Variants in GALNT13 observed in about 807,000 individuals in gnomAD.
GALNT13 encodes polypeptide N-acetylgalactosaminyltransferase 13, also known as UDP-GalNAc:polypeptide N-acetylgalactosaminyltransferase 13.
A neutral mutation model predicts 64.2 loss-of-function variants in GALNT13; 28 were observed. The observed-to-expected ratio is 0.44, with a 90% CI of 0.32 to 0.60. The LOEUF is 0.60. Ranked by LOEUF, GALNT13 falls within the 20% of genes least tolerant of loss-of-function variation. GALNT13 has a pLI of 0.05. For missense variants in GALNT13, 577 were observed against 669.8 expected, an observed-to-expected ratio of 0.86 and a Z score of 1.53; for synonymous variants, 214 against 224.6, an observed-to-expected ratio of 0.95 and a Z score of 0.42.
intron 3 of GALNT13, among the ~76,000 whole-genome samples, chr2:154,134,850 G>A (rs980264186): frequency 1.3e-5 from 2 of 152,112 alleles, no homozygotes; most frequent in African/African-American, 4.8e-5. Flanking sequence ...AAATTAGCTG[G>A]TGACGGGCAC....
the GALNT13 span, among the ~76,000 whole-genome samples, chr2:153,538,326 C>CTTTTTTTTTTTTTTTTTTTTTTTAT: frequency 3.0e-5 from 3 of 100,844 alleles, no homozygotes; most frequent in Non-Finnish European, 6.5e-5. Context: ...TTTTTTAATT[C>CTTTTTTTTTTTTTTTTTTTTTTTAT]TTTTTTTTTT....
the GALNT13 span, among the ~76,000 whole-genome samples, chr2:153,260,024 C>G: frequency 1.3e-5 from 2 of 152,030 alleles, no homozygotes; most frequent in African/African-American, 4.8e-5. Flanking sequence ...TAACATATTC[C>G]TTCATTTTAA....
the GALNT13 span, among the ~76,000 whole-genome samples, chr2:153,622,633 A>G: frequency 6.6e-6 from 1 of 152,186 alleles, no homozygotes; most frequent in Non-Finnish European, 1.5e-5. Context: ...GAGTTCAAAT[A>G]TTTCAGTAAA....
At chr2:153,495,338 AAAC>A in the GALNT13 span, among the ~76,000 whole-genome samples, 5,954 of 145,514 alleles carry the variant, frequency 0.041, 526 homozygotes, top group East Asian at 0.46. Flanking sequence ...ACAACAACAA[AAAC>A]AACAACAACA....
the GALNT13 span, among the ~76,000 whole-genome samples, chr2:153,408,460 T>A: frequency 6.6e-6 from 1 of 151,824 alleles, no homozygotes; most frequent in African/African-American, 2.4e-5. Context: ...GAAGAAGGAA[T>A]GAAGGAGAAA....
chr2:154,397,262 C>T (rs1014791078), intron 10 of GALNT13, among the ~76,000 whole-genome samples: 7 of 151,784 alleles, frequency 4.6e-5, no homozygotes, highest in African/African-American at 1.2e-4. Flanking sequence ...AGTGAAACCC[C>T]GTCTCTACTA....
the GALNT13 span, among the ~76,000 whole-genome samples, chr2:153,243,703 G>A: frequency 6.6e-6 from 1 of 151,544 alleles, no homozygotes; most frequent in South Asian, 2.1e-4. Context: ...GGCAAGGCTT[G>A]TGAAGGGTTG....
the GALNT13 span, among the ~76,000 whole-genome samples, chr2:153,662,795 T>C: frequency 1.3e-5 from 2 of 152,214 alleles, no homozygotes; most frequent in Non-Finnish European, 2.9e-5. Flanking sequence ...AGAAAGTACT[T>C]ACAAAGCCAG....
the GALNT13 span, among the ~76,000 whole-genome samples, chr2:153,734,951 C>G: frequency 6.6e-6 from 1 of 152,112 alleles, no homozygotes; most frequent in Non-Finnish European, 1.5e-5. Flanking sequence ...TCTCTTGCAC[C>G]TACCTGAGTA....
the GALNT13 span, among the ~76,000 whole-genome samples, chr2:153,831,703 ATC>A: frequency 1.3e-5 from 2 of 152,102 alleles, no homozygotes; most frequent in Admixed American, 6.5e-5. Flanking sequence ...CGTTGGTGCT[ATC>A]TCTGTGTTTC....
At chr2:153,633,764 T>C in the GALNT13 span, among the ~76,000 whole-genome samples, 2 of 152,186 alleles carry the variant, frequency 1.3e-5, no homozygotes, top group Non-Finnish European at 2.9e-5. Flanking sequence ...ATGCTAGAGA[T>C]TTATGAAAGT....
chr2:154,204,561 C>T (rs944887538), intron 4 of GALNT13, among the ~76,000 whole-genome samples: 8 of 152,230 alleles, frequency 5.3e-5, no homozygotes, highest in Non-Finnish European at 1.2e-4. Flanking sequence ...AATCTCACCA[C>T]ATTCCATCTT....
At chr2:153,356,868 G>T in the GALNT13 span, among the ~76,000 whole-genome samples, 12 of 141,744 alleles carry the variant, frequency 8.5e-5, no homozygotes, top group East Asian at 2.3e-3. Flanking sequence ...TGTGATCTCG[G>T]CTCACTGCAC....
chr2:153,546,958 T>C, the GALNT13 span, among the ~76,000 whole-genome samples: 1 of 152,228 alleles, frequency 6.6e-6, no homozygotes, highest in Non-Finnish European at 1.5e-5. Flanking sequence ...TTCCTCTGGC[T>C]ATGGCCCACC....
At chr2:153,596,442 G>A in the GALNT13 span, among the ~76,000 whole-genome samples, 4 of 152,134 alleles carry the variant, frequency 2.6e-5, no homozygotes, top group African/African-American at 9.6e-5. Flanking sequence ...ATTACTCTTA[G>A]TAATAAGCCT....
intron 2 of GALNT13, among the ~76,000 whole-genome samples, chr2:153,926,688 G>T (rs1174465859): frequency 1.3e-5 from 2 of 152,078 alleles, no homozygotes; most frequent in Admixed American, 6.6e-5. Flanking sequence ...ACCCTTGACA[G>T]TCCTTTGGGT....
the GALNT13 span, among the ~76,000 whole-genome samples, chr2:153,787,441 G>T: frequency 6.6e-6 from 1 of 152,122 alleles, no homozygotes; most frequent in Non-Finnish European, 1.5e-5. Context: ...TAAGCCTACT[G>T]ACTGTACTCA....
chr2:153,540,543 C>T, the GALNT13 span, among the ~76,000 whole-genome samples: 3 of 152,178 alleles, frequency 2.0e-5, no homozygotes, highest in Middle Eastern at 3.2e-3. Context: ...AGTGGTAAAT[C>T]CACTGACAGC....
chr2:153,876,356 T>C (rs968727426), intron 1 of GALNT13, among the ~76,000 whole-genome samples: 10 of 152,074 alleles, frequency 6.6e-5, no homozygotes, highest in Non-Finnish European at 1.5e-4. Context: ...ACAATTTCTA[T>C]CAAGGCACAT....
Sources: allele counts gnomAD v4.1 joint callset (sites outside exome capture counted in the v4.1 genomes callset), GRCh38; gene constraint gnomAD v4.1.1; transcripts MANE v1.5; gene names NCBI Gene and HGNC (gene_info 2026-07-23, HGNC 2026-07-21).